FAM13C: variants seen among roughly 807,000 people sequenced by gnomAD.
FAM13C encodes the protein family with sequence similarity 13 member C.
Under a neutral mutation model 73.2 loss-of-function variants are expected in FAM13C, and 37 were observed. The ratio of observed to expected loss-of-function variants is 0.51; its 90% CI spans 0.39 to 0.67. The LOEUF is 0.67. FAM13C is among the 30% of genes least tolerant of loss of function. FAM13C has a pLI of 0.00. For synonymous variants in FAM13C, 246 were observed against 260.9 expected (o/e 0.94, Z 0.55); for missense variants, 589 against 715.6 (o/e 0.82, Z 2.02).
chr10:59,301,246 C>T (rs559427932), intron 5 of FAM13C: 4 of 152,196 alleles, frequency 2.6e-5, no homozygotes, highest in African/African-American at 7.2e-5. Context: ...ATAGTTCACC[C>T]CCTGATGGAA....
At chr10:59,344,290 T>C (rs1444927860) in intron 3 of FAM13C, among the ~76,000 whole-genome samples, 5 of 147,618 alleles carry the variant, frequency 3.4e-5, no homozygotes, top group Non-Finnish European at 6.0e-5. Context: ...TTTTCTTTTT[T>C]TTTTTTGAGA....
chr10:59,311,383 A>G (rs889021895), intron 4 of FAM13C, among the ~76,000 whole-genome samples: 15 of 152,352 alleles, frequency 9.8e-5, no homozygotes, highest in Non-Finnish European at 1.3e-4. Flanking sequence ...AGAGGCCCCA[A>G]TAAGACATTA....
chr10:59,276,810 T>C (rs1844368222), intron 6 of FAM13C, among the ~76,000 whole-genome samples: 2 of 152,192 alleles, frequency 1.3e-5, no homozygotes, highest in African/African-American at 4.8e-5. Context: ...ACGCCAAAGA[T>C]TGTTTTAAAA....
chr10:59,305,831 G>C (rs1360507561), intron 4 of FAM13C, among the ~76,000 whole-genome samples: 1 of 152,240 alleles, frequency 6.6e-6, no homozygotes, highest in Non-Finnish European at 1.5e-5. Context: ...GGGAAAAAGA[G>C]GGTGAGGAGG....
intron 5 of FAM13C, among the ~76,000 whole-genome samples, chr10:59,297,677 C>G (rs1847081756): frequency 6.6e-6 from 1 of 152,178 alleles, no homozygotes; most frequent in Non-Finnish European, 1.5e-5. Context: ...GCTGCCTCAG[C>G]AAGTTGCAAT....
chr10:59,345,108 T>C (rs1854124003), intron 3 of FAM13C, among the ~76,000 whole-genome samples: 1 of 152,206 alleles, frequency 6.6e-6, no homozygotes, highest in Non-Finnish European at 1.5e-5. Flanking sequence ...ATTTTAACAG[T>C]CATCCTGTAT....
At chr10:59,272,506 G>A (rs1563824) in intron 6 of FAM13C, among the ~76,000 whole-genome samples, 35,216 of 152,112 alleles carry the variant, frequency 0.23, 5,495 homozygotes, top group African/African-American at 0.44. Context: ...TCCAGACCCT[G>A]CTTCCCAGTA....
intron 7 of FAM13C, among the ~76,000 whole-genome samples, chr10:59,268,932 G>T (rs1335898468): frequency 6.6e-6 from 1 of 152,186 alleles, no homozygotes; most frequent in African/African-American, 2.4e-5. Context: ...TCCAGGAAAT[G>T]TGTTTTGTAA....
intron 3 of FAM13C, among the ~76,000 whole-genome samples, chr10:59,341,969 G>A (rs1056517821): frequency 5.3e-5 from 8 of 152,116 alleles, no homozygotes; most frequent in African/African-American, 1.9e-4. Context: ...ACAGTGTTCT[G>A]GCTGACTGCT....
intron 4 of FAM13C, among the ~76,000 whole-genome samples, chr10:59,311,282 G>A (rs1848886753): frequency 6.6e-6 from 1 of 152,100 alleles, no homozygotes; most frequent in Admixed American, 6.6e-5. Context: ...AGTAGACATG[G>A]GTGTGGTTTA....
chr10:59,349,231 A>G (rs763714678), intron 3 of FAM13C, among the ~76,000 whole-genome samples: 15 of 152,188 alleles, frequency 9.9e-5, no homozygotes, highest in South Asian at 2.1e-4. Context: ...TTTTCCTTCA[A>G]TGGTTGCCTG....
At chr10:59,337,769 T>C (rs1852936234) in intron 3 of FAM13C, among the ~76,000 whole-genome samples, 1 of 125,954 alleles carries the variant, frequency 7.9e-6, no homozygotes, top group South Asian at 2.8e-4. Context: ...AACCTCCACC[T>C]CCCGGGTTCA....
At chr10:59,343,909 G>A (rs1853859820) in intron 3 of FAM13C, among the ~76,000 whole-genome samples, 1 of 151,508 alleles carries the variant, frequency 6.6e-6, no homozygotes, top group Non-Finnish European at 1.5e-5. Context: ...TCGTGTTTTT[G>A]CCAGCCAAAT....
Position 59,270,041 on chromosome 10 carries a change from C to T in FAM13C, c.661G>A (p.Gly221Arg). 6.2e-7 allele frequency: 1 copy of T among 1,613,832 alleles called. No homozygotes were observed. Among genetic ancestry groups the T allele is most frequent in the Non-Finnish European group, 8.5e-7 (1 of 1,179,830 alleles). Residue 221 changes from glycine (G) to arginine (R), a missense_variant, in exon 7 of 14, where the codon GGG (glycine) becomes AGG (arginine). Physicochemically the swap from Gly to Arg is moderately radical, Grantham distance 125. Transcript: ENST00000618804. ...DSAPEDLHSV[G>R]TSRLLYHITD... ...ATGTGATAGAGCAGCCTGCTGGTCC[C>T]CACAGAGTGGAGGTCTTCTGGTGCA...
intron 5 of FAM13C, 142 bp from the exon 6 acceptor site, chr10:59,283,589 C>A: frequency 1.3e-6 from 1 of 785,898 alleles, no homozygotes; most frequent in South Asian, 1.4e-5. Flanking sequence ...CCCGCAAGCA[C>A]CTTCCTCCAC....
At chr10:59,255,243 C>T (rs1471500503) in intron 10 of FAM13C, among the ~76,000 whole-genome samples, 1 of 152,122 alleles carries the variant, frequency 6.6e-6, no homozygotes, top group African/African-American at 2.4e-5. Flanking sequence ...TCTGAATCCT[C>T]AATTTCCTAC....
chr10:59,324,104 C>T lies in FAM13C; in HGVS notation c.327G>A (p.Glu109=). The T allele has an allele frequency of 6.2e-7, 1 of 1,611,304 alleles. No individual in the cohort carries two copies. Among genetic ancestry groups the T allele is most frequent in the Non-Finnish European group, 8.5e-7 (1 of 1,178,110 alleles). The change falls in exon 4 of 14, where the codon GAG becomes GAA. Residue 109 remains glutamate (E), a splice_region_variant and synonymous_variant. Transcript: ENST00000618804. ...ESGRSHGESQ[E]TEHVVSSQSE... ...ACTGGCTGGATACCACATGCTCTGT[C>T]TCCTGCAAGAAGAAAGAGCAAAAGT...
chr10:59,292,771 C>T (rs937325264), intron 5 of FAM13C, among the ~76,000 whole-genome samples: 2 of 152,134 alleles, frequency 1.3e-5, no homozygotes, highest in African/African-American at 4.8e-5. Context: ...AGTTTTGATA[C>T]ATACATAGTG....
intron 5 of FAM13C, among the ~76,000 whole-genome samples, chr10:59,291,836 TGGAGTGCAGTG>T (rs1452941596): frequency 1.4e-4 from 19 of 136,756 alleles, no homozygotes; most frequent in Non-Finnish European, 1.5e-5. Flanking sequence ...TCGCCCAGGC[TGGAGTGCAGTG>T]GTGTGATCTC....
Sources: gnomAD v4.1 joint callset for allele counts (sites outside exome capture counted in the v4.1 genomes callset) on GRCh38, gnomAD v4.1.1 for gene constraint, MANE v1.5 for transcripts, NCBI Gene and HGNC (gene_info 2026-07-23, HGNC 2026-07-21) for gene names.